The following SHLD2 variants were observed in gnomAD, a reference collection of about 807,000 sequenced individuals.
The protein encoded by SHLD2 is shieldin complex subunit 2, also known as RINN1-REV7-interacting novel NHEJ regulator 2.
Under a neutral mutation model 73.2 loss-of-function variants are expected in SHLD2, and 30 were observed. That is an observed-to-expected ratio of 0.41 (90% CI 0.31 to 0.56). The LOEUF is 0.56. SHLD2 is among the 20% of genes least tolerant of loss of function. The probability of loss-of-function intolerance (pLI) is 0.28; values close to 1 mark genes in which losing one functional copy is unlikely to be tolerated. For synonymous variants in SHLD2, 285 were observed against 370.1 expected (o/e 0.77, Z 2.64); for missense variants, 745 against 1,055.9 (o/e 0.71, Z 4.08).
At chr10:87,112,216 C>T (rs1343080149) in intron 2 of SHLD2, among the ~76,000 whole-genome samples, 1 of 145,272 alleles carries the variant, frequency 6.9e-6, no homozygotes, top group Non-Finnish European at 1.5e-5. Flanking sequence ...CCAGCCTGGG[C>T]GACAGAGCGA....
intron 3 of SHLD2, among the ~76,000 whole-genome samples, chr10:87,155,114 T>C (rs1387842542): frequency 1.3e-5 from 2 of 151,092 alleles, no homozygotes; most frequent in Non-Finnish European, 2.9e-5. Context: ...TTTTTGTATT[T>C]TTAGTAGAGA....
chr10:87,096,080 GC>G (rs1841849368), intron 1 of SHLD2, among the ~76,000 whole-genome samples: 1 of 152,064 alleles, frequency 6.6e-6, no homozygotes, highest in Non-Finnish European at 1.5e-5. Flanking sequence ...TTGCTCTGTC[GC>G]CCAGGCGGGA....
At chr10:87,183,720 G>A (rs1222821617) in intron 8 of SHLD2, among the ~76,000 whole-genome samples, 1 of 152,114 alleles carries the variant, frequency 6.6e-6, no homozygotes, top group Non-Finnish European at 1.5e-5. Context: ...CACTTTTGAT[G>A]TTGCCTGAGG....
intron 3 of SHLD2, among the ~76,000 whole-genome samples, chr10:87,156,683 A>G (rs868275682): frequency 1.3e-5 from 2 of 152,266 alleles, no homozygotes; most frequent in South Asian, 2.1e-4. Flanking sequence ...AATCCAACAT[A>G]TGCTTCACAG....
chr10:87,172,711 G>A (rs1456182113), intron 6 of SHLD2, among the ~76,000 whole-genome samples: 1 of 151,526 alleles, frequency 6.6e-6, no homozygotes, highest in African/African-American at 2.4e-5. Context: ...TAGAAAATAT[G>A]TTATCATATA....
intron 2 of SHLD2, among the ~76,000 whole-genome samples, chr10:87,102,211 C>A (rs1238924777): frequency 6.6e-6 from 1 of 152,156 alleles, no homozygotes; most frequent in South Asian, 2.1e-4. Context: ...TAACCTATTA[C>A]AAAGAACAGT....
intron 2 of SHLD2, among the ~76,000 whole-genome samples, chr10:87,139,579 G>T (rs1299780621): frequency 6.6e-6 from 1 of 152,116 alleles, no homozygotes; most frequent in East Asian, 1.9e-4. Flanking sequence ...TAGATAAAAA[G>T]ACACAAGCCA....
chr10:87,114,120 A>G (rs1413732925), intron 2 of SHLD2: 1 of 152,150 alleles, frequency 6.6e-6, no homozygotes, highest in Admixed American at 6.6e-5. Flanking sequence ...TCTGTGTCTT[A>G]TATTTGTCTT....
chr10:87,147,072 GA>G (rs76041937), intron 2 of SHLD2, among the ~76,000 whole-genome samples: 4,157 of 95,232 alleles, frequency 0.044, 39 homozygotes, highest in African/African-American at 0.058. Flanking sequence ...AAAAAAAAAA[GA>G]AAAAAAAAAA....
intron 9 of SHLD2, among the ~76,000 whole-genome samples, chr10:87,189,730 G>A (rs1311223730): frequency 6.6e-6 from 1 of 152,160 alleles, no homozygotes; most frequent in Non-Finnish European, 1.5e-5. Context: ...TCCTAAAAAA[G>A]TGAGGGGAAG....
At chr10:87,100,847 A>G (rs1842222261) in intron 2 of SHLD2, among the ~76,000 whole-genome samples, 1 of 151,958 alleles carries the variant, frequency 6.6e-6, no homozygotes, top group South Asian at 2.1e-4. Context: ...TTTTTCCAAG[A>G]TTGGTTATTC....
chr10:87,139,330 C>A (rs1845017787), intron 2 of SHLD2, among the ~76,000 whole-genome samples: 1 of 152,064 alleles, frequency 6.6e-6, no homozygotes, highest in Non-Finnish European at 1.5e-5. Context: ...AAACTAAACT[C>A]TTTTAAAGAA....
chr10:87,094,762 CG>C, upstream of SHLD2: 1 of 1,537,322 alleles, frequency 6.5e-7, no homozygotes, highest in Non-Finnish European at 8.8e-7. The surrounding 1 kb of genome is among the most constrained non-coding windows in gnomAD (Gnocchi z 6.6). Context: ...GCCCAGGTAG[CG>C]GTACATGGCC....
intron 4 of SHLD2, among the ~76,000 whole-genome samples, chr10:87,163,270 C>T (rs1351216803): frequency 6.6e-6 from 1 of 152,000 alleles, no homozygotes; most frequent in East Asian, 1.9e-4. Context: ...AAGAAAATAC[C>T]TCGGTTTATT....
At chr10:87,105,799 C>T (rs553034266) in intron 2 of SHLD2, among the ~76,000 whole-genome samples, 6 of 152,252 alleles carry the variant, frequency 3.9e-5, no homozygotes, top group South Asian at 2.1e-4. Flanking sequence ...GTGCATATCC[C>T]GGTATTAGTG....
intron 2 of SHLD2, among the ~76,000 whole-genome samples, chr10:87,137,805 G>A (rs1434961539): frequency 6.6e-6 from 1 of 152,120 alleles, no homozygotes; most frequent in African/African-American, 2.4e-5. Context: ...GCTGAAAATT[G>A]AAGATGGAAG....
intron 9 of SHLD2, 63 bp downstream of exon 9, chr10:87,187,263 C>T: frequency 2.1e-6 from 2 of 963,658 alleles, no homozygotes; most frequent in South Asian, 2.6e-5. Flanking sequence ...TATATCGGAA[C>T]AGAAAGAGCA....
intron 2 of SHLD2, among the ~76,000 whole-genome samples, chr10:87,142,174 A>G (rs1845244282): frequency 6.6e-6 from 1 of 152,226 alleles, no homozygotes; most frequent in Admixed American, 6.5e-5. Context: ...AGTCTTAAAA[A>G]CCAGTTATTT....
At chr10:87,140,380 A>T (rs1845102755) in intron 2 of SHLD2, among the ~76,000 whole-genome samples, 2 of 149,538 alleles carry the variant, frequency 1.3e-5, no homozygotes, top group Non-Finnish European at 3.0e-5. Context: ...AGATCATGCC[A>T]CTACACTACA....
Sources: allele counts gnomAD v4.1 joint callset (sites outside exome capture counted in the v4.1 genomes callset), GRCh38; gene constraint gnomAD v4.1.1; non-coding constraint Gnocchi (gnomAD v3.1); transcripts MANE v1.5; gene names NCBI Gene and HGNC (gene_info 2026-07-23, HGNC 2026-07-21).